ACOT11: variants seen among roughly 807,000 people sequenced by gnomAD.
ACOT11 encodes the protein acyl-coenzyme A thioesterase 11.
A neutral mutation model predicts 77.5 loss-of-function variants in ACOT11; 69 were observed. That is an observed-to-expected ratio of 0.89 (90% CI 0.73 to 1.09). The LOEUF (loss-of-function observed/expected upper bound fraction) is 1.09, where lower values mean the gene tolerates loss of function less well. ACOT11 is among the 50% of genes least tolerant of loss of function. ACOT11 has a pLI of 0.00. For synonymous variants in ACOT11, 279 were observed against 313.0 expected, an observed-to-expected ratio of 0.89 and a Z score of 1.15; for missense variants, 766 against 813.7, an observed-to-expected ratio of 0.94 and a Z score of 0.71.
At chr1:54,554,419 A>G (rs1020945767) in intron 1 of ACOT11, among the ~76,000 whole-genome samples, 3 of 140,480 alleles carry the variant, frequency 2.1e-5, no homozygotes, top group African/African-American at 5.4e-5. Flanking sequence ...TGGTGCAATT[A>G]TGGCTTACTG....
downstream of ACOT11, chr1:54,614,576 C>G (rs1569787655): frequency 1.0e-6 from 1 of 970,400 alleles, no homozygotes; most frequent in East Asian, 2.8e-5. Context: ...TGCAAAGGCT[C>G]AGAGGTGAGG....
In ACOT11 at chr1:54,578,993, T is replaced by G. The variant is rs187001828; in HGVS notation, c.34-5662T>G. Reference sequence around the variant, plus strand: ...TGGTTCAATTCTCTACCTTTCCAACTCCCAAATCTTGAAGAATGTCAAGTG... The same window carrying G: ...TGGTTCAATTCTCTACCTTTCCAACGCCCAAATCTTGAAGAATGTCAAGTG... On this transcript the variant is annotated intron_variant, in intron 1 of 15. Transcript: ENST00000343744. 8.5e-5 allele frequency among the ~76,000 whole-genome samples: 13 copies of G among 152,282 alleles called. No individual in the cohort carries two copies. The East Asian group carries it at 2.5e-3, about 29-fold the overall frequency.
chr1:54,568,564 A>G (rs867040106), intron 1 of ACOT11, among the ~76,000 whole-genome samples: 2 of 151,752 alleles, frequency 1.3e-5, no homozygotes, highest in Middle Eastern at 6.8e-3. Flanking sequence ...GGGTTTCTCC[A>G]TTTTGGTCAG....
Position 54,550,849 on chromosome 1 carries a change from AC to A in ACOT11, c.33+2511del, listed in dbSNP as rs763069597. On this transcript the variant is annotated intron_variant, in intron 1 of 15. Coordinates refer to ENST00000343744, the MANE Select transcript of ACOT11 (RefSeq NM_147161.4). ...AAACAAAAACAAAAACAAACAAAAA[AC>A]CCCACCAAGCTGGGTGTGGTGACCC... Among the ~76,000 whole-genome samples, 6 of 150,492 alleles carry A rather than the reference AC, an allele frequency of 4.0e-5. No homozygotes were observed. The South Asian group carries it at 1.3e-3, about 32-fold the overall frequency.
At chr1:54,633,226 C>T (rs1255903250) in intron 16 of ACOT11, among the ~76,000 whole-genome samples, 1 of 152,138 alleles carries the variant, frequency 6.6e-6, no homozygotes, top group Admixed American at 6.5e-5. Context: ...ACATTGGCCA[C>T]TAAGTAAAGA....
chr1:54,555,437 T>TC (rs1049191196), intron 1 of ACOT11, among the ~76,000 whole-genome samples: 50 of 152,320 alleles, frequency 3.3e-4, no homozygotes, highest in African/African-American at 1.2e-3. Context: ...AATTTTTTTT[T>TC]CTATTGAGTT....
rs1654811336 is a variant in ACOT11 at position 54,594,085 on chromosome 1, G to GC, written c.471+47dup. 2.0e-5 allele frequency: 31 copies of GC among 1,567,658 alleles called. No individual in the cohort carries two copies. The Admixed American group carries it at 3.6e-4, about 18-fold the overall frequency. On this transcript the variant is annotated intron_variant, in intron 5 of 15. Coordinates refer to ENST00000343744, the MANE Select transcript of ACOT11 (RefSeq NM_147161.4). ...GCTGGAACGCTGCTCAGTGACCTGG[G>GC]CACCTGCCATGGCGAGTCTGGCTCA... is the stretch of plus-strand genomic sequence containing the variant.
chr1:54,601,519 G>C (rs975216319), intron 9 of ACOT11, 106 bp downstream of exon 9: 11 of 1,491,448 alleles, frequency 7.4e-6, no homozygotes, highest in Non-Finnish European at 9.9e-6. Context: ...GGCGTGAGGG[G>C]CCCACCCTAC....
chr1:54,622,635 G>A (rs1397047709), intron 15 of ACOT11, among the ~76,000 whole-genome samples: 3 of 151,938 alleles, frequency 2.0e-5, no homozygotes, highest in Admixed American at 1.3e-4. Context: ...GCTACTTGTG[G>A]GGCTGAGGCA....
intron 6 of ACOT11, 63 bp downstream of exon 6, chr1:54,594,754 G>C (rs758486037): frequency 6.4e-7 from 1 of 1,551,310 alleles, no homozygotes. Flanking sequence ...CCTCTGCCCC[G>C]GGCTCCCACT....
At chr1:54,577,324 G>A (rs953224923) in intron 1 of ACOT11, among the ~76,000 whole-genome samples, 2 of 151,896 alleles carry the variant, frequency 1.3e-5, no homozygotes, top group African/African-American at 4.8e-5. Context: ...CCCCAGCCCC[G>A]GCAACCACCA....
intron 15 of ACOT11, chr1:54,623,644 T>C (rs2060386): frequency 0.32 from 137,719 of 433,920 alleles, 23,214 homozygotes; most frequent in Middle Eastern, 0.45. Context: ...ATCTACCATA[T>C]CTAAAATGAC....
intron 3 of ACOT11, among the ~76,000 whole-genome samples, chr1:54,588,384 A>G (rs1431365300): frequency 1.3e-5 from 2 of 152,206 alleles, no homozygotes; most frequent in African/African-American, 4.8e-5. Context: ...CCTCAAAACA[A>G]TACTATGTGG....
At position 54,624,586 on chromosome 1, in the gene ACOT11, G is replaced by A. The variant is rs118131135; in HGVS notation, c.1630-6148G>A. On this transcript the variant is annotated intron_variant, in intron 15 of 16. Coordinates refer to the ACOT11 transcript ENST00000371316. ...TGACTTCTGGGGACCACTGACAGGCGGAGAGTTGGAGGAAGAGGCATTAGT... is the reference window on the plus strand; with the variant it reads ...TGACTTCTGGGGACCACTGACAGGCAGAGAGTTGGAGGAAGAGGCATTAGT... Among the ~76,000 whole-genome samples the A allele has an allele frequency of 8.1e-4, 123 of 152,272 alleles. 2 individuals are homozygous for A. The East Asian group carries it at 0.022, about 28-fold the overall frequency.
chr1:54,631,069 G>C (rs965832131), intron 16 of ACOT11, among the ~76,000 whole-genome samples: 2 of 152,198 alleles, frequency 1.3e-5, no homozygotes, highest in Non-Finnish European at 2.9e-5. Context: ...AAAGGAAGGA[G>C]AGTTTCATCC....
At chr1:54,573,682 A>G (rs1653999306) in intron 1 of ACOT11, among the ~76,000 whole-genome samples, 1 of 152,156 alleles carries the variant, frequency 6.6e-6, no homozygotes, top group Non-Finnish European at 1.5e-5. Context: ...GCAGTGAGCC[A>G]AGATCACACC....
At chr1:54,575,213 G>GA (rs1402086105) in intron 1 of ACOT11, among the ~76,000 whole-genome samples, 4 of 152,178 alleles carry the variant, frequency 2.6e-5, no homozygotes, top group Admixed American at 6.5e-5. Context: ...CTGAGTGCGG[G>GA]ATCCCTATGT....
rs912920548 is a variant in ACOT11, at chr1:54,551,804, C to T, written c.33+3462C>T. The stretch of plus-strand genomic sequence containing the variant: ...AGTCTCATTCTGTCACCCAGGAGTG[C>T]GGTGGTGTAATCTTGGCTCACTGCA... On this transcript the variant is annotated intron_variant, in intron 1 of 15. Coordinates refer to ENST00000343744, the MANE Select transcript of ACOT11 (RefSeq NM_147161.4). Among the ~76,000 whole-genome samples the T allele has an allele frequency of 5.9e-5, 9 of 151,988 alleles. No individual in the cohort carries two copies. In the South Asian group the frequency reaches 1.2e-3, roughly 21 times the overall value.
intron 6 of ACOT11, among the ~76,000 whole-genome samples, chr1:54,594,965 G>A (rs1400708335): frequency 2.6e-5 from 4 of 152,258 alleles, no homozygotes; most frequent in African/African-American, 9.6e-5. Context: ...GTCTCCAGAA[G>A]CCAAGGTGTT....
Sources: allele counts gnomAD v4.1 joint callset (sites outside exome capture counted in the v4.1 genomes callset), GRCh38; gene constraint gnomAD v4.1.1; transcripts MANE v1.5; gene names NCBI Gene and HGNC (gene_info 2026-07-23, HGNC 2026-07-21).